Variants in LGSN observed in about 807,000 individuals in gnomAD.
LGSN encodes lengsin.
LGSN carries 21 observed loss-of-function variants against 19.5 expected under a neutral mutation model. The observed-to-expected ratio is 1.07, with a 90% CI of 0.76 to 1.55. The LOEUF (loss-of-function observed/expected upper bound fraction) is 1.55, where lower values mean the gene tolerates loss of function less well. Ranked by LOEUF, LGSN falls within the 40% of genes most tolerant of loss-of-function variation. The pLI is 0.00. For synonymous variants in LGSN, 257 were observed against 215.6 expected (o/e 1.19, Z -1.68); for missense variants, 673 against 608.5 (o/e 1.11, Z -1.12).
chr6:63,305,549 C>A (rs990740004), intron 1 of LGSN, among the ~76,000 whole-genome samples: 3 of 152,202 alleles, frequency 2.0e-5, no homozygotes, highest in Admixed American at 1.3e-4. Flanking sequence ...AAACCATGTT[C>A]AAATAAGGGA....
the LGSN span, among the ~76,000 whole-genome samples, chr6:63,492,721 G>C: frequency 6.6e-6 from 1 of 152,194 alleles, no homozygotes; most frequent in African/African-American, 2.4e-5. Context: ...ACTCGAGGAA[G>C]ACAATATCAA....
At chr6:63,443,848 T>C in the LGSN span, among the ~76,000 whole-genome samples, 1 of 150,820 alleles carries the variant, frequency 6.6e-6, no homozygotes, top group African/African-American at 2.4e-5. Flanking sequence ...AAAGAAAACA[T>C]AGCCATTTCT....
At chr6:63,321,862 A>G (rs116244846), upstream of LGSN, among the ~76,000 whole-genome samples, 447 of 152,338 alleles carry the variant, frequency 2.9e-3, 3 homozygotes, top group African/African-American at 0.01. Context: ...CAAAATGAAT[A>G]TAGTCATTGA....
At chr6:63,501,626 A>G in the LGSN span, among the ~76,000 whole-genome samples, 1 of 151,908 alleles carries the variant, frequency 6.6e-6, no homozygotes, top group East Asian at 1.9e-4. Flanking sequence ...TAATTGTTGG[A>G]TTTTTTCCAT....
At chr6:63,304,523 G>A (rs1768305492) in intron 1 of LGSN, among the ~76,000 whole-genome samples, 1 of 152,138 alleles carries the variant, frequency 6.6e-6, no homozygotes, top group African/African-American at 2.4e-5. Flanking sequence ...TAAATACACT[G>A]GGTTTTGTAG....
At chr6:63,324,504 T>TAAC (rs1373539671), upstream of LGSN, among the ~76,000 whole-genome samples, 7 of 152,344 alleles carry the variant, frequency 4.6e-5, no homozygotes, top group Non-Finnish European at 8.8e-5. Context: ...CAGGACAGAC[T>TAAC]ATATGTTAGG....
the LGSN span, among the ~76,000 whole-genome samples, chr6:63,541,860 T>G: frequency 6.6e-6 from 1 of 152,324 alleles, no homozygotes; most frequent in African/African-American, 2.4e-5. Context: ...ATCATCAATA[T>G]TTCCCTCTGT....
chr6:63,293,118 T>C (rs908437688), intron 2 of LGSN, among the ~76,000 whole-genome samples: 1 of 152,060 alleles, frequency 6.6e-6, no homozygotes, highest in Admixed American at 6.6e-5. Context: ...TCCCACCTCA[T>C]TCCCCTGAGT....
the LGSN span, among the ~76,000 whole-genome samples, chr6:63,367,258 A>G: frequency 6.6e-6 from 1 of 152,230 alleles, no homozygotes; most frequent in East Asian, 1.9e-4. Flanking sequence ...AAATCAAACA[A>G]CCCCATCAAA....
chr6:63,435,975 T>G, the LGSN span, among the ~76,000 whole-genome samples: 1 of 151,640 alleles, frequency 6.6e-6, no homozygotes, highest in Admixed American at 6.6e-5. Flanking sequence ...ATCTCTGTCC[T>G]CTGGCTCACT....
the LGSN span, among the ~76,000 whole-genome samples, chr6:63,460,566 G>T: frequency 1.3e-5 from 2 of 151,996 alleles, no homozygotes; most frequent in African/African-American, 4.8e-5. Flanking sequence ...CACTGCATTT[G>T]CCCATGCTGA....
chr6:63,377,915 A>G, the LGSN span, among the ~76,000 whole-genome samples: 1 of 108,860 alleles, frequency 9.2e-6, no homozygotes, highest in Non-Finnish European at 1.7e-5. Flanking sequence ...CTCCATCTCA[A>G]AAAAAAAAAA....
At chr6:63,429,797 G>A in the LGSN span, among the ~76,000 whole-genome samples, 1 of 151,004 alleles carries the variant, frequency 6.6e-6, no homozygotes, top group Non-Finnish European at 1.5e-5. Flanking sequence ...TGCTCAACAA[G>A]GCCACTAGAG....
the LGSN span, among the ~76,000 whole-genome samples, chr6:63,516,915 T>C: frequency 4.6e-5 from 7 of 152,178 alleles, no homozygotes; most frequent in African/African-American, 9.6e-5. Flanking sequence ...CAGAAAGAGA[T>C]TGAGTCTCTG....
chr6:63,555,001 T>A, the LGSN span, among the ~76,000 whole-genome samples: 2 of 152,212 alleles, frequency 1.3e-5, no homozygotes, highest in Non-Finnish European at 2.9e-5. Flanking sequence ...GTGTGGTTTC[T>A]GATAACATGT....
At chr6:63,437,878 C>T in the LGSN span, among the ~76,000 whole-genome samples, 3 of 152,052 alleles carry the variant, frequency 2.0e-5, no homozygotes, top group South Asian at 2.1e-4. Flanking sequence ...TGCAGTGAGT[C>T]GAGATCACGC....
At chr6:63,569,152 C>A in the LGSN span, among the ~76,000 whole-genome samples, 2 of 152,212 alleles carry the variant, frequency 1.3e-5, no homozygotes, top group Non-Finnish European at 2.9e-5. Context: ...TTTACTAGAT[C>A]TGCTGTTCTT....
the LGSN span, among the ~76,000 whole-genome samples, chr6:63,442,230 G>A: frequency 2.6e-5 from 4 of 152,164 alleles, no homozygotes; most frequent in African/African-American, 7.2e-5. Flanking sequence ...AGACCTTCAC[G>A]GTGAGTGTTA....
At chr6:63,454,180 T>C in the LGSN span, among the ~76,000 whole-genome samples, 2 of 152,108 alleles carry the variant, frequency 1.3e-5, no homozygotes, top group African/African-American at 2.4e-5. Flanking sequence ...TAATGTAAAT[T>C]AAATACTCAA....
Sources: allele counts gnomAD v4.1 joint callset (sites outside exome capture counted in the v4.1 genomes callset), GRCh38; gene constraint gnomAD v4.1.1; transcripts MANE v1.5; gene names NCBI Gene and HGNC (gene_info 2026-07-23, HGNC 2026-07-21).